The following CTC1 variants were observed in gnomAD, a reference collection of about 807,000 sequenced individuals.
The protein encoded by CTC1 is CST telomere replication complex component 1.
Under a neutral mutation model 136.3 loss-of-function variants are expected in CTC1, and 91 were observed. The ratio of observed to expected loss-of-function variants is 0.67; its 90% CI spans 0.56 to 0.79. The LOEUF is 0.79. Ranked by LOEUF, CTC1 falls within the 30% of genes least tolerant of loss-of-function variation. The probability of loss-of-function intolerance (pLI) is 0.00; values close to 1 mark genes in which losing one functional copy is unlikely to be tolerated. For missense variants in CTC1, 1,432 were observed against 1,498.1 expected (o/e 0.96, Z 0.73); for synonymous variants, 606 against 613.8 (o/e 0.99, Z 0.19).
chr17:8,240,162 T>TC (rs940576888), intron 2 of CTC1, among the ~76,000 whole-genome samples: 1 of 151,434 alleles, frequency 6.6e-6, no homozygotes, highest in Non-Finnish European at 1.5e-5. Flanking sequence ...GTCTCTTTTT[T>TC]TTTTTTTTTT....
chr17:8,242,260 C>T (rs573824071), intron 2 of CTC1, among the ~76,000 whole-genome samples: 32 of 151,872 alleles, frequency 2.1e-4, no homozygotes, highest in African/African-American at 7.5e-4. Flanking sequence ...CTCGAACTGC[C>T]GACCTCAGGT....
At chr17:8,234,033 G>A (rs1031276452) in intron 10 of CTC1, among the ~76,000 whole-genome samples, 4 of 152,128 alleles carry the variant, frequency 2.6e-5, no homozygotes, top group Non-Finnish European at 4.4e-5. Context: ...TGCCCCGGCT[G>A]GAGTGCAGTG....
chr17:8,233,113 C>A, intron 10 of CTC1, 81 bp from the exon 11 acceptor site: 6 of 1,453,292 alleles, frequency 4.1e-6, no homozygotes, highest in Non-Finnish European at 3.8e-6. Context: ...TGCTGTATTA[C>A]ATGGTAAAGC....
chr17:8,238,983 T>C (rs1987988409), intron 2 of CTC1, among the ~76,000 whole-genome samples: 1 of 151,338 alleles, frequency 6.6e-6, no homozygotes, highest in African/African-American at 2.4e-5. Context: ...TCCCAGTTTC[T>C]TGGGATGCTG....
chr17:8,241,084 T>C (rs1418525494), intron 2 of CTC1, among the ~76,000 whole-genome samples: 2 of 149,228 alleles, frequency 1.3e-5, no homozygotes, highest in Admixed American at 1.3e-4. Flanking sequence ...AGGTCAGGAG[T>C]TCAAGACCAG....
At chr17:8,232,589 C>T (rs1297912120) in intron 11 of CTC1, 114 bp from the exon 12 acceptor site, 16 of 843,466 alleles carry the variant, frequency 1.9e-5, no homozygotes, top group African/African-American at 5.1e-5. Context: ...GCTGCCCTCA[C>T]ATGACATGAA....
intron 6 of CTC1, 37 bp from the exon 7 acceptor site, chr17:8,235,996 C>G: frequency 6.3e-7 from 1 of 1,599,870 alleles, no homozygotes; most frequent in Non-Finnish European, 8.6e-7. Context: ...CCACTATTTT[C>G]TTCCTCTTTG....
chr17:8,235,490 G>A, intron 7 of CTC1: 1 of 600,822 alleles, frequency 1.7e-6, no homozygotes, highest in African/African-American at 1.9e-5. Context: ...CAGTCTTGCT[G>A]TGGGCTGGGT....
At chr17:8,232,822 C>G in intron 11 of CTC1, 84 bp downstream of exon 11, 2 of 1,545,254 alleles carry the variant, frequency 1.3e-6, no homozygotes. Flanking sequence ...CTAGTAAATC[C>G]CAGCAGGCTT....
chr17:8,230,603 T>C lies in CTC1; in HGVS notation c.2718A>G (p.Thr906=), dbSNP rs375180275. 2.4e-5 allele frequency: 38 copies of C among 1,614,062 alleles called. No individual in the cohort carries two copies. Among genetic ancestry groups the C allele is most frequent in the Non-Finnish European group, 3.1e-5 (36 of 1,180,028 alleles). ...GAGACGCCACAAGGGGTTCACATAG[T>C]GTCCGTGACAAAATCTCAGCGGAGA... ...VSFSAEILSR[T]LCEPLVASLW... is the part of the protein sequence containing the mutation. Residue 906 remains threonine (T), a synonymous_variant, in exon 16 of 23, where the codon ACA becomes ACG. Coordinates refer to ENST00000651323, the MANE Select transcript of CTC1 (RefSeq NM_025099.6).
At chr17:8,233,571 ACCAG>A (rs887573001) in intron 10 of CTC1, 1 of 153,116 alleles carries the variant, frequency 6.5e-6, no homozygotes, top group Non-Finnish European at 1.5e-5. Context: ...GGAATTCGAG[ACCAG>A]CCTGGGAAAC....
intron 2 of CTC1, among the ~76,000 whole-genome samples, chr17:8,238,872 C>G (rs1018273247): frequency 2.0e-4 from 30 of 152,016 alleles, no homozygotes; most frequent in African/African-American, 6.8e-4. Context: ...GGGTGGATCA[C>G]CTGAGGTCAG....
chr17:8,231,532 AACATTCTG>A (rs2151507528), intron 14 of CTC1, 63 bp from the exon 15 acceptor site: 1 of 1,479,542 alleles, frequency 6.8e-7, no homozygotes, highest in East Asian at 2.3e-5. Context: ...AGGTTCACAA[AACATTCTG>A]ACCCAATTTT....
In CTC1 at chr17:8,235,325, A is replaced by G. The variant is rs12603646; in HGVS notation, c.1207-40T>C. The G allele has an allele frequency of 5.4e-5, 80 of 1,472,960 alleles. 1 individual carries two copies. The Middle Eastern group carries it at 7.8e-3, about 144-fold the overall frequency. 91.2% of individuals were successfully genotyped at this position (1,472,960 alleles called of 1,614,324 possible). ...AGAAAATGAAAAAGCAGAGATGAAG[A>G]CCCCAACTCAATGAACCCAGGCAGA... On this transcript the variant is annotated intron_variant, in intron 7 of 22. Coordinates refer to ENST00000651323, the MANE Select transcript of CTC1 (RefSeq NM_025099.6).
intron 11 of CTC1, 71 bp downstream of exon 11, chr17:8,232,835 C>T (rs1987361638): frequency 2.5e-6 from 4 of 1,578,660 alleles, no homozygotes; most frequent in South Asian, 1.1e-5. Context: ...GCAGGCTTTT[C>T]CTCCCAGGCT....
rs768602449 is a variant in CTC1, at chr17:8,236,227, T to C, written c.908A>G (p.Gln303Arg). 3.7e-6 allele frequency: 6 copies of C among 1,614,246 alleles called. No homozygotes were observed. Among genetic ancestry groups the C allele is most frequent in the African/African-American group, 1.3e-5 (1 of 75,072 alleles). Reference protein sequence around the residue: ...GQRQHVWMTSQSSRLLLLKPE... With the variant: ...GQRQHVWMTSRSSRLLLLKPE... Reference sequence around the variant, plus strand: ...TTTCAGCAGCAACAGACGGGAGGACTGACTGGTCATCCAAACATGCTGGCG... The same window carrying C: ...TTTCAGCAGCAACAGACGGGAGGACCGACTGGTCATCCAAACATGCTGGCG... The change falls in exon 6 of 23, where the codon CAG (glutamine) becomes CGG (arginine). Residue 303 changes from glutamine to arginine, a missense_variant. Physicochemically the swap from Gln to Arg is conservative, Grantham distance 43. Coordinates refer to ENST00000651323, the MANE Select transcript of CTC1 (RefSeq NM_025099.6).
Position 8,238,217 on chromosome 17 carries a change from A to C in CTC1, c.461T>G (p.Leu154Trp). 6.2e-7 allele frequency: 1 copy of C among 1,610,344 alleles called. No individual in the cohort carries two copies. Among genetic ancestry groups the C allele is most frequent in the Non-Finnish European group, 8.5e-7 (1 of 1,177,092 alleles). Residue 154 changes from leucine (L) to tryptophan (W), a missense_variant, in exon 4 of 23, where the codon TTG becomes TGG. Leu to Trp is a moderately conservative substitution (Grantham distance 61). Transcript: ENST00000651323. ...CELIDLDLSWLGHLFLFPRWS... is the reference protein window; with the variant it reads ...CELIDLDLSWWGHLFLFPRWS... ...ACGGGGGAACAGAAAAAGATGGCCCAACCAAGAAAGGTCCAGGTCTATGAG... is the reference window on the plus strand; with the variant it reads ...ACGGGGGAACAGAAAAAGATGGCCCCACCAAGAAAGGTCCAGGTCTATGAG...
chr17:8,236,271 C>T lies in CTC1; in HGVS notation c.864G>A (p.Val288=). ...GTAYVLTELR[V]SKIRGQRQHV... ...GCTGGCGCTGACCACGGATCTTGGACACTCGCAGTTCTGTCAGCACATAGG... is the reference window on the plus strand; with the variant it reads ...GCTGGCGCTGACCACGGATCTTGGATACTCGCAGTTCTGTCAGCACATAGG... The change falls in exon 6 of 23, where the codon GTG becomes GTA. Residue 288 remains valine (V), a synonymous_variant. Coordinates refer to ENST00000651323, the MANE Select transcript of CTC1 (RefSeq NM_025099.6). 1.2e-6 allele frequency: 2 copies of T among 1,613,960 alleles called. No homozygotes were observed. Among genetic ancestry groups the T allele is most frequent in the Non-Finnish European group, 1.7e-6 (2 of 1,180,034 alleles).
rs199562738 is a variant in CTC1 at position 8,242,204 on chromosome 17, A to AT, written c.197+780dup. Among the ~76,000 whole-genome samples, 1,110 of 151,068 alleles carry AT rather than the reference A, an allele frequency of 7.3e-3. 16 individuals are homozygous for AT. The highest frequency in any genetic ancestry group is 0.024 in the African/African-American group (1,002 of 41,096). ...ACCACCACGCCCGGCTAATTTTTGT[A>AT]TTTTTTTTAGTAGAGATGGTGTTTC... On this transcript the variant is annotated intron_variant, in intron 2 of 22. Transcript: ENST00000651323.
Sources: gnomAD v4.1 joint callset for allele counts (sites outside exome capture counted in the v4.1 genomes callset) on GRCh38, gnomAD v4.1.1 for gene constraint, MANE v1.5 for transcripts, NCBI Gene and HGNC (gene_info 2026-07-23, HGNC 2026-07-21) for gene names.